ZHX2: variants seen among roughly 807,000 people sequenced by gnomAD.
ZHX2 encodes zinc fingers and homeoboxes protein 2.
ZHX2 carries 6 observed loss-of-function variants against 21.9 expected under a neutral mutation model. The ratio of observed to expected loss-of-function variants is 0.27; its 90% CI spans 0.15 to 0.54. The LOEUF is 0.54. ZHX2 is among the 20% of genes least tolerant of loss of function. The pLI, the probability that ZHX2 is intolerant of heterozygous loss-of-function variation, is 0.95. For synonymous variants in ZHX2, 434 were observed against 437.1 expected, an observed-to-expected ratio of 0.99 and a Z score of 0.09; for missense variants, 908 against 1,090.7, an observed-to-expected ratio of 0.83 and a Z score of 2.36.
chr8:122,962,232 A>G (rs1418660198), intron 3 of ZHX2, among the ~76,000 whole-genome samples: 1 of 152,188 alleles, frequency 6.6e-6, no homozygotes, highest in African/African-American at 2.4e-5. Context: ...TCACCCGAGC[A>G]GTGTACACTG....
intron 2 of ZHX2, among the ~76,000 whole-genome samples, chr8:122,870,098 C>T (rs1156560601): frequency 6.6e-6 from 1 of 152,040 alleles, no homozygotes; most frequent in Non-Finnish European, 1.5e-5. Flanking sequence ...GAAACCTGGG[C>T]AGAGGTGGCA....
At chr8:122,933,048 G>A (rs997999767) in intron 2 of ZHX2, among the ~76,000 whole-genome samples, 4 of 152,290 alleles carry the variant, frequency 2.6e-5, no homozygotes, top group African/African-American at 4.8e-5. Flanking sequence ...GATGAAAGGC[G>A]TTCAAGGGAA....
intron 1 of ZHX2, among the ~76,000 whole-genome samples, chr8:122,813,631 G>T (rs1817974101): frequency 6.6e-6 from 1 of 152,174 alleles, no homozygotes; most frequent in Non-Finnish European, 1.5e-5. Flanking sequence ...ATCCAACATG[G>T]TTGGGACCAG....
chr8:122,871,548 G>T (rs1340425005), intron 2 of ZHX2, among the ~76,000 whole-genome samples: 1 of 111,038 alleles, frequency 9.0e-6, no homozygotes, highest in African/African-American at 3.5e-5. Context: ...GGAGGGGGGA[G>T]GGATAGCATT....
chr8:122,871,408 C>T (rs1048146854), intron 2 of ZHX2, among the ~76,000 whole-genome samples: 15 of 151,468 alleles, frequency 9.9e-5, no homozygotes, highest in African/African-American at 3.6e-4. Context: ...AACCATCATT[C>T]TCAGCAAACT....
At position 122,898,431 on chromosome 8, in the gene ZHX2, A is replaced by G. The variant is rs76521945; in HGVS notation, c.-220+34892A>G. Among the ~76,000 whole-genome samples, 837 of 152,238 alleles carry G rather than the reference A, an allele frequency of 5.5e-3. 6 individuals carry two copies. Among genetic ancestry groups the G allele is most frequent in the African/African-American group, 0.019 (805 of 41,546 alleles). On this transcript the variant is annotated intron_variant, in intron 2 of 3. Transcript: ENST00000314393. ...ATTTTCAGAAAAGGATCTGACAACC[A>G]CTTAATAGGTACATATTCAACTCTG...
intron 2 of ZHX2, among the ~76,000 whole-genome samples, chr8:122,926,533 CG>C (rs1380881534): frequency 6.6e-6 from 1 of 152,232 alleles, no homozygotes; most frequent in Non-Finnish European, 1.5e-5. Context: ...GATAGTTCCA[CG>C]GCCCATCGCT....
At chr8:122,942,174 C>T (rs1301495608) in intron 2 of ZHX2, among the ~76,000 whole-genome samples, 2 of 151,664 alleles carry the variant, frequency 1.3e-5, no homozygotes, top group Non-Finnish European at 2.9e-5. Flanking sequence ...TGCCCCCACC[C>T]GTCACCATTG....
At chr8:122,801,997 G>T (rs1017820805) in intron 1 of ZHX2, among the ~76,000 whole-genome samples, 2 of 152,144 alleles carry the variant, frequency 1.3e-5, no homozygotes, top group African/African-American at 4.8e-5. Flanking sequence ...CTTTGGGTGG[G>T]TCATTTATCC....
chr8:122,945,293 G>A (rs573105827), intron 2 of ZHX2, among the ~76,000 whole-genome samples: 1 of 152,172 alleles, frequency 6.6e-6, no homozygotes, highest in African/African-American at 2.4e-5. Context: ...TAATTGAGTT[G>A]CATTCCACTT....
chr8:122,960,493 G>A (rs574987391), intron 3 of ZHX2, among the ~76,000 whole-genome samples: 25 of 152,138 alleles, frequency 1.6e-4, no homozygotes, highest in Admixed American at 4.6e-4. Flanking sequence ...AGCCGAGATC[G>A]CACAACAGCA....
intron 1 of ZHX2, among the ~76,000 whole-genome samples, chr8:122,806,001 T>G (rs368703953): frequency 2.0e-5 from 3 of 152,204 alleles, no homozygotes; most frequent in Non-Finnish European, 4.4e-5. Flanking sequence ...CTGGGAAGCC[T>G]TCTCTAACTC....
chr8:122,798,665 C>T (rs1817659111), intron 1 of ZHX2, among the ~76,000 whole-genome samples: 1 of 152,070 alleles, frequency 6.6e-6, no homozygotes, highest in Non-Finnish European at 1.5e-5. Flanking sequence ...CACCTCTAGT[C>T]CCAGCTACTC....
At chr8:122,866,524 A>G (rs897968223) in intron 2 of ZHX2, among the ~76,000 whole-genome samples, 9 of 152,320 alleles carry the variant, frequency 5.9e-5, no homozygotes, top group African/African-American at 2.2e-4. Flanking sequence ...CCAAAATTGT[A>G]TATGACACAA....
intron 1 of ZHX2, among the ~76,000 whole-genome samples, chr8:122,845,345 A>C (rs1818730347): frequency 6.6e-6 from 1 of 152,242 alleles, no homozygotes. Flanking sequence ...CATTTTCATA[A>C]GAAAATTAAC....
intron 3 of ZHX2, among the ~76,000 whole-genome samples, chr8:122,968,468 T>G (rs75671769): frequency 0.061 from 9,356 of 152,204 alleles, 399 homozygotes; most frequent in South Asian, 0.15. Context: ...CCAACACATT[T>G]CCCCTTTTTA....
At chr8:122,846,124 T>C (rs1467077151) in intron 1 of ZHX2, among the ~76,000 whole-genome samples, 1 of 152,004 alleles carries the variant, frequency 6.6e-6, no homozygotes, top group Non-Finnish European at 1.5e-5. Flanking sequence ...TTACTGAGGA[T>C]TGGATGTAGA....
intron 2 of ZHX2, among the ~76,000 whole-genome samples, chr8:122,891,365 T>A (rs1819976192): frequency 6.6e-6 from 1 of 151,378 alleles, no homozygotes; most frequent in South Asian, 2.1e-4. Flanking sequence ...TGATTTTGTT[T>A]ACCTTTGCAA....
At chr8:122,819,959 C>T (rs773540146) in intron 1 of ZHX2, among the ~76,000 whole-genome samples, 4 of 152,202 alleles carry the variant, frequency 2.6e-5, no homozygotes, top group Admixed American at 2.6e-4. Context: ...CAGGCCTCCC[C>T]TCCCATCTGC....
Sources: allele counts gnomAD v4.1 joint callset (sites outside exome capture counted in the v4.1 genomes callset), GRCh38; gene constraint gnomAD v4.1.1; transcripts MANE v1.5; gene names NCBI Gene and HGNC (gene_info 2026-07-23, HGNC 2026-07-21).